Variants in LCOR observed in about 807,000 individuals in gnomAD.
The protein encoded by LCOR is ligand-dependent corepressor.
Under a neutral mutation model 64.4 loss-of-function variants are expected in LCOR, and 14 were observed. The observed-to-expected ratio is 0.22, with a 90% CI of 0.14 to 0.34. The LOEUF is 0.34. Among genes scored for constraint, LCOR ranks in the 10% least tolerant of loss-of-function variants. The pLI, the probability that LCOR is intolerant of heterozygous loss-of-function variation, is 1.00. For synonymous variants in LCOR, 643 were observed against 642.5 expected (o/e 1.00, Z -0.01); for missense variants, 1,686 against 1,765.3 (o/e 0.96, Z 0.80).
At chr10:96,941,208 C>G (rs1847462394) in intron 4 of LCOR, among the ~76,000 whole-genome samples, 1 of 141,762 alleles carries the variant, frequency 7.1e-6, no homozygotes, top group African/African-American at 2.7e-5. Context: ...CCACCTCCCT[C>G]CCGGACGGGG....
intron 2 of LCOR, among the ~76,000 whole-genome samples, chr10:96,869,509 C>T (rs1378218401): frequency 6.6e-6 from 1 of 151,868 alleles, no homozygotes; most frequent in Non-Finnish European, 1.5e-5. Context: ...GCCATCGTAC[C>T]TGGCCTAAGT....
chr10:96,890,500 T>A (rs1564616619), intron 2 of LCOR, among the ~76,000 whole-genome samples: 1 of 152,238 alleles, frequency 6.6e-6, no homozygotes, highest in African/African-American at 2.4e-5. Flanking sequence ...TAAAATCATG[T>A]CATCTATAAA....
At chr10:96,944,429 C>T (rs1403396947) in intron 5 of LCOR, among the ~76,000 whole-genome samples, 184 bp downstream of exon 5, 1 of 152,152 alleles carries the variant, frequency 6.6e-6, no homozygotes, top group African/African-American at 2.4e-5. Context: ...CTGTTCCCCA[C>T]ATTTAGGCTC....
Position 96,832,326 on chromosome 10 carries a change from G to A in LCOR, c.-477G>A. 5.1e-6 allele frequency: 5 copies of A among 984,404 alleles called. No individual in the cohort carries two copies. The highest frequency in any genetic ancestry group is 6.0e-6 in the Non-Finnish European group (5 of 829,548). 61.0% of individuals were successfully genotyped at this position (984,404 alleles called of 1,614,324 possible). On this transcript the variant is annotated 5_prime_UTR_variant, in exon 1 of 8. Transcript: ENST00000421806. ...AGATGGCGAGGGTGTGTAGGCGGCAGCAATGCTCCGTTGAGAGACGCGGCT... is the reference window on the plus strand; with the variant it reads ...AGATGGCGAGGGTGTGTAGGCGGCAACAATGCTCCGTTGAGAGACGCGGCT...
At chr10:96,956,760 G>T in intron 7 of LCOR, 1 of 985,784 alleles carries the variant, frequency 1.0e-6, no homozygotes, top group Non-Finnish European at 1.2e-6. Flanking sequence ...GGAGCAGTCA[G>T]GGTACATTAC....
chr10:96,942,161 T>C (rs1474259409), intron 4 of LCOR, among the ~76,000 whole-genome samples: 3 of 146,304 alleles, frequency 2.1e-5, no homozygotes, highest in South Asian at 2.3e-4. Flanking sequence ...CATTGAGCAC[T>C]GAGTGAACGA....
At chr10:96,949,906 T>A (rs1437314765) in intron 6 of LCOR, among the ~76,000 whole-genome samples, 1 of 152,238 alleles carries the variant, frequency 6.6e-6, no homozygotes, top group East Asian at 1.9e-4. Flanking sequence ...AATTTGTTGA[T>A]GAGGACACTA....
rs1848077279 is a variant in LCOR, at chr10:96,980,799, C to T, written c.339C>T (p.Asn113=). ...TTTCTCTTTCTCTGTCTAGTGAGAA[C>T]TCAACAGAGGCAAAAGCAGTAGATT... ...GCSSTQGNGE[N]STEAKAVDSN... Residue 113 remains asparagine, a synonymous_variant, in exon 8 of 8, where the codon AAC becomes AAT. Transcript: ENST00000421806. 1 of 699,282 alleles carries T rather than the reference C, an allele frequency of 1.4e-6. No individual in the cohort carries two copies. The highest frequency in any genetic ancestry group is 1.7e-5 in the African/African-American group (1 of 57,170). The allele number at this position is 699,282 out of a possible 1,614,324, so 43.3% of individuals were successfully genotyped here.
intron 2 of LCOR, among the ~76,000 whole-genome samples, chr10:96,834,408 G>C (rs967530591): frequency 3.3e-5 from 5 of 152,094 alleles, no homozygotes; most frequent in African/African-American, 1.2e-4. Context: ...TTGCCTATCA[G>C]TTATCCTGTA....
In LCOR at chr10:96,993,177, C is replaced by T. The variant is rs1338878137; in HGVS notation, c.*8043C>T. On this transcript the variant is annotated 3_prime_UTR_variant, in exon 8 of 8. Transcript: ENST00000421806. ...CATGATCCTCATTGTGCAGGGCTGG[C>T]TGGACTGAGAATTGCAACTCCAGGA... is the stretch of plus-strand genomic sequence containing the variant. 6.6e-6 allele frequency: 1 copy of T among 152,186 alleles called. No homozygotes were observed. The allele number at this position is 152,186 out of a possible 1,614,324, so 9.4% of individuals were successfully genotyped here.
chr10:96,907,239 A>G, intron 2 of LCOR, 26 bp from the exon 3 acceptor site: 1 of 845,790 alleles, frequency 1.2e-6, no homozygotes. Context: ...TTATTGTGGT[A>G]ATGGATTTTG....
At chr10:96,972,609 T>C (rs980679906) in intron 7 of LCOR, among the ~76,000 whole-genome samples, 1 of 152,226 alleles carries the variant, frequency 6.6e-6, no homozygotes, top group African/African-American at 2.4e-5. Context: ...ATATTTTTTA[T>C]TGTAATTTAA....
At chr10:96,971,298 C>A (rs947190333) in intron 7 of LCOR, among the ~76,000 whole-genome samples, 2 of 152,140 alleles carry the variant, frequency 1.3e-5, no homozygotes, top group African/African-American at 4.8e-5. Flanking sequence ...AATGTTTCCT[C>A]TACCCCTTTC....
chr10:96,874,494 C>A (rs2134410564), intron 2 of LCOR, among the ~76,000 whole-genome samples: 1 of 152,246 alleles, frequency 6.6e-6, no homozygotes, highest in Non-Finnish European at 1.5e-5. Flanking sequence ...TAATAGCTAA[C>A]ATTTATGTAG....
At chr10:96,907,077 T>C (rs1846741966) in intron 2 of LCOR, among the ~76,000 whole-genome samples, 188 bp from the exon 3 acceptor site, 5 of 152,232 alleles carry the variant, frequency 3.3e-5, no homozygotes, top group Admixed American at 3.3e-4. Flanking sequence ...TGAATGTTAA[T>C]CATTGACAGA....
rs1847072457 is a variant in LCOR, at chr10:96,921,050, A to G, written c.-184+13303A>G. On this transcript the variant is annotated intron_variant, in intron 4 of 7. Coordinates refer to ENST00000421806, the MANE Select transcript of LCOR (RefSeq NM_001346516.2). Reference sequence around the variant, plus strand: ...TAGACTCAAGAACTCTTAGAATCCTAGAACTCCTAGGCTCATGCTGTCCTT... The same window carrying G: ...TAGACTCAAGAACTCTTAGAATCCTGGAACTCCTAGGCTCATGCTGTCCTT... 2.0e-5 allele frequency among the ~76,000 whole-genome samples: 3 copies of G among 151,946 alleles called. No homozygotes were observed. In the South Asian group the frequency reaches 6.2e-4, roughly 32 times the overall value.
intron 4 of LCOR, 72 bp downstream of exon 4, chr10:96,907,819 T>C: frequency 2.4e-6 from 1 of 409,090 alleles, no homozygotes. Flanking sequence ...AACATTGTGT[T>C]ACTTTGTTGG....
chr10:96,917,705 A>T (rs1218714663), intron 4 of LCOR, among the ~76,000 whole-genome samples: 1 of 152,220 alleles, frequency 6.6e-6, no homozygotes, highest in Admixed American at 6.5e-5. Context: ...TCACAAAATG[A>T]AACTGTTCTA....
At chr10:96,928,579 A>G (rs1213291994) in intron 4 of LCOR, among the ~76,000 whole-genome samples, 7 of 152,218 alleles carry the variant, frequency 4.6e-5, no homozygotes, top group South Asian at 2.1e-4. Context: ...AACTTCTCCA[A>G]GTCATCTGTG....
Sources: allele counts gnomAD v4.1 joint callset (sites outside exome capture counted in the v4.1 genomes callset), GRCh38; gene constraint gnomAD v4.1.1; transcripts MANE v1.5; gene names NCBI Gene and HGNC (gene_info 2026-07-23, HGNC 2026-07-21).